PPP1R3A: variants seen among roughly 807,000 people sequenced by gnomAD.
PPP1R3A encodes RG1.
Under a neutral mutation model 41.7 loss-of-function variants are expected in PPP1R3A, and 29 were observed. The ratio of observed to expected loss-of-function variants is 0.70; its 90% CI spans 0.52 to 0.95. The LOEUF (loss-of-function observed/expected upper bound fraction) is 0.95, where lower values mean the gene tolerates loss of function less well. PPP1R3A is among the 40% of genes least tolerant of loss of function. The pLI is 0.00. For missense variants in PPP1R3A, 1,352 were observed against 1,292.4 expected (o/e 1.05, Z -0.71); for synonymous variants, 485 against 453.4 (o/e 1.07, Z -0.89).
chr7:113,879,608 G>A lies in PPP1R3A; in HGVS notation c.1484C>T (p.Ala495Val), dbSNP rs1796646697. ...TTCTTCTGTTGATTCTTTGAGACAT[G>A]CCGACGTATCTGAATGGAAATCTCT... Reference protein sequence around the residue: ...LRRDFHSDTSACLKESTEEGS... With the variant: ...LRRDFHSDTSVCLKESTEEGS... The change falls in exon 4 of 4, where the codon GCA (alanine) becomes GTA (valine). Residue 495 changes from alanine (A) to valine (V), a missense_variant. By Grantham distance (64) the Ala-to-Val change is moderately conservative. Transcript: ENST00000284601. 15 of 1,613,052 alleles carry A rather than the reference G, an allele frequency of 9.3e-6. No individual in the cohort carries two copies. The highest frequency in any genetic ancestry group is 1.7e-5 in the Admixed American group (1 of 59,808).
In PPP1R3A at chr7:113,882,245, T is replaced by C. The variant is rs771166845; in HGVS notation, c.841+17A>G. 1 of 1,541,518 alleles carries C rather than the reference T, an allele frequency of 6.5e-7. No homozygotes were observed. The highest frequency in any genetic ancestry group is 9.0e-7 in the Non-Finnish European group (1 of 1,115,510). ...AAAAGAGACAAATTTGGTTTTAAAA[T>C]TAATGAAGAATATTACCTGTATTCT... On this transcript the variant is annotated intron_variant, in intron 2 of 3. Coordinates refer to ENST00000284601, the MANE Select transcript of PPP1R3A (RefSeq NM_002711.4).
intron 1 of PPP1R3A, among the ~76,000 whole-genome samples, chr7:113,904,654 C>A (rs950956581): frequency 1.3e-5 from 2 of 150,686 alleles, no homozygotes; most frequent in African/African-American, 4.9e-5. Context: ...CATAAGTGGT[C>A]AAAGAATTAC....
chr7:113,913,445 TC>T (rs1797285192), intron 1 of PPP1R3A, among the ~76,000 whole-genome samples: 1 of 152,158 alleles, frequency 6.6e-6, no homozygotes, highest in East Asian at 1.9e-4. Context: ...TCTTTCCTGT[TC>T]CTGAACGTAC....
In PPP1R3A at chr7:113,918,842, A is replaced by G; in HGVS notation, c.155T>C (p.Ile52Thr). 6.2e-7 allele frequency: 1 copy of G among 1,613,872 alleles called. No individual in the cohort carries two copies. Among genetic ancestry groups the G allele is most frequent in the Non-Finnish European group, 8.5e-7 (1 of 1,179,812 alleles). The part of the protein sequence containing the change: ...SRRGSDSSED[I>T]YLDTPSSGTR... ...ACCTGAAGATGGGGTATCCAGGTAT[A>G]TGTCTTCAGAAGAATCAGAACCTCG... is the stretch of plus-strand genomic sequence containing the variant. The change falls in exon 1 of 4, where the codon ATA becomes ACA. Residue 52 changes from isoleucine (I) to threonine (T), a missense_variant. Ile to Thr is a moderately conservative substitution (Grantham distance 89). Transcript: ENST00000284601.
chr7:113,879,883 T>C lies in PPP1R3A; in HGVS notation c.1209A>G (p.Gln403=). 1.2e-6 allele frequency: 2 copies of C among 1,613,558 alleles called. No individual in the cohort carries two copies. The highest frequency in any genetic ancestry group is 1.7e-6 in the Non-Finnish European group (2 of 1,179,694). The change falls in exon 4 of 4, where the codon CAA becomes CAG. Residue 403 remains glutamine (Q), a synonymous_variant. Transcript: ENST00000284601. ...KYSSGDDCTH[Q]PSEETTSNMG... Reference sequence around the variant, plus strand: ...TATTTGAAGTAGTTTCCTCTGAAGGTTGATGTGTACAGTCATCTCCTGAGG... The same window carrying C: ...TATTTGAAGTAGTTTCCTCTGAAGGCTGATGTGTACAGTCATCTCCTGAGG...
Position 113,879,611 on chromosome 7 carries a change from G to A in PPP1R3A, c.1481C>T (p.Ser494Leu), listed in dbSNP as rs17847377. 4.1e-4 allele frequency: 662 copies of A among 1,613,048 alleles called. 9 individuals carry two copies. In the East Asian group the frequency reaches 0.014, roughly 35 times the overall value. ...CLRRDFHSDT[S>L]ACLKESTEEG... ...TTCTGTTGATTCTTTGAGACATGCC[G>A]ACGTATCTGAATGGAAATCTCTTCG... Residue 494 changes from serine (S) to leucine (L), a missense_variant, in exon 4 of 4, where the codon TCG becomes TTG. By Grantham distance (145) the Ser-to-Leu change is moderately radical. Transcript: ENST00000284601.
chr7:113,891,801 C>A lies in PPP1R3A; in HGVS notation c.783-9481G>T, dbSNP rs188954112. Among the ~76,000 whole-genome samples, 173 of 152,032 alleles carry A rather than the reference C, an allele frequency of 1.1e-3. 4 individuals are homozygous for A. The South Asian group carries it at 0.034, about 30-fold the overall frequency. Reference sequence around the variant, plus strand: ...TGGTTTTTCCAAAGGTCCTATAATGCCATTGTGCTAAAACCCCATATGTCT... The same window carrying A: ...TGGTTTTTCCAAAGGTCCTATAATGACATTGTGCTAAAACCCCATATGTCT... On this transcript the variant is annotated intron_variant, in intron 1 of 3. Coordinates refer to ENST00000284601, the MANE Select transcript of PPP1R3A (RefSeq NM_002711.4).
At chr7:113,888,458 T>C (rs1473048856) in intron 1 of PPP1R3A, among the ~76,000 whole-genome samples, 1 of 152,160 alleles carries the variant, frequency 6.6e-6, no homozygotes, top group Non-Finnish European at 1.5e-5. Flanking sequence ...ATGCTGTACA[T>C]AGATTTTTTA....
At chr7:113,886,666 T>C (rs958078508) in intron 1 of PPP1R3A, among the ~76,000 whole-genome samples, 3 of 152,190 alleles carry the variant, frequency 2.0e-5, no homozygotes, top group African/African-American at 7.2e-5. Flanking sequence ...ATTTGAAATA[T>C]ATAAATAGTT....
At chr7:113,885,352 G>C (rs1299102785) in intron 1 of PPP1R3A, among the ~76,000 whole-genome samples, 1 of 152,060 alleles carries the variant, frequency 6.6e-6, no homozygotes, top group Non-Finnish European at 1.5e-5. Context: ...TGGCCCCCAG[G>C]CTTTCTTGTA....
chr7:113,918,385 T>G lies in PPP1R3A; in HGVS notation c.612A>C (p.Lys204Asn), dbSNP rs764007964. ...LVPPYQKDGS[K>N]VEFCIRYETS... ...TTTCATAACGTATACAAAACTCAAC[T>G]TTACTGCCATCTTTTTGATAAGGAG... Residue 204 changes from lysine to asparagine, a missense_variant, in exon 1 of 4, where the codon AAA (lysine) becomes AAC (asparagine). Lys to Asn is a moderately conservative substitution (Grantham distance 94, BLOSUM62 0). Transcript: ENST00000284601. 7.4e-6 allele frequency: 12 copies of G among 1,613,440 alleles called. No homozygotes were observed. Among genetic ancestry groups the G allele is most frequent in the Non-Finnish European group, 1.0e-5 (12 of 1,179,648 alleles).
chr7:113,879,268 G>T lies in PPP1R3A; in HGVS notation c.1824C>A (p.Ser608Arg), dbSNP rs767098711. 5.6e-6 allele frequency: 9 copies of T among 1,613,440 alleles called. No individual in the cohort carries two copies. Among genetic ancestry groups the T allele is most frequent in the Non-Finnish European group, 7.6e-6 (9 of 1,179,728 alleles). ...CTTGACCAGTTATCCCTCCTAAAGC[G>T]CTGCCTTCACTAGTCAAATGATGAT... ...PEHHHLTSEG[S>R]ALGGITGQVC... Residue 608 changes from serine to arginine, a missense_variant, in exon 4 of 4, where the codon AGC becomes AGA. Physicochemically the swap from Ser to Arg is moderately radical, Grantham distance 110 (BLOSUM62 -1). Transcript: ENST00000284601.
chr7:113,917,621 G>T (rs1797362540), intron 1 of PPP1R3A, among the ~76,000 whole-genome samples: 1 of 151,928 alleles, frequency 6.6e-6, no homozygotes, highest in South Asian at 2.1e-4. Flanking sequence ...ATGAAATTTT[G>T]TGTGTAACTC....
chr7:113,914,965 A>AT (rs1797314755), intron 1 of PPP1R3A, among the ~76,000 whole-genome samples: 1 of 152,014 alleles, frequency 6.6e-6, no homozygotes, highest in Non-Finnish European at 1.5e-5. Context: ...TATCAATGTC[A>AT]TTTTTGTCAT....
In PPP1R3A at chr7:113,896,196, T is replaced by C. The variant is rs763515497; in HGVS notation, c.783-13876A>G. On this transcript the variant is annotated intron_variant, in intron 1 of 3. Transcript: ENST00000284601. ...GGCATACCTCACAAATGTCCACATT[T>C]TGTGTTACACATTTTCTTTGTCAAC... 2.0e-5 allele frequency among the ~76,000 whole-genome samples: 3 copies of C among 152,014 alleles called. No individual in the cohort carries two copies. The South Asian group carries it at 6.2e-4, about 31-fold the overall frequency.
At chr7:113,907,018 GA>G (rs770601437) in intron 1 of PPP1R3A, among the ~76,000 whole-genome samples, 2 of 151,616 alleles carry the variant, frequency 1.3e-5, no homozygotes, top group Non-Finnish European at 3.0e-5. Context: ...AAGAGACAAG[GA>G]AAAAAATGTT....
chr7:113,885,625 A>C (rs1489922697), intron 1 of PPP1R3A, among the ~76,000 whole-genome samples: 1 of 151,902 alleles, frequency 6.6e-6, no homozygotes, highest in Non-Finnish European at 1.5e-5. Context: ...ATACAAAACT[A>C]TTAATATCAC....
At chr7:113,880,191 A>G (rs1397054388) in intron 3 of PPP1R3A, 66 bp from the exon 4 acceptor site, 2 of 1,378,372 alleles carry the variant, frequency 1.5e-6, no homozygotes, top group Admixed American at 2.0e-5. Context: ...AGTGAATTAG[A>G]TAGGTTTTAT....
Position 113,882,331 on chromosome 7 carries a change from TAAAAG to T in PPP1R3A, c.783-16_783-12del. 1 of 1,411,152 alleles carries T rather than the reference TAAAAG, an allele frequency of 7.1e-7. No homozygotes were observed. Among genetic ancestry groups the T allele is most frequent in the Non-Finnish European group, 1.0e-6 (1 of 1,001,990 alleles). 87.4% of individuals were successfully genotyped at this position (1,411,152 alleles called of 1,614,324 possible). ...GATGATTCTTCTTTACTGTTAAATTTAAAAGAAAATGTTATATGTTTTTCTGGGAC... is the reference window on the plus strand; with the variant it reads ...GATGATTCTTCTTTACTGTTAAATTTAAAATGTTATATGTTTTTCTGGGAC... On this transcript the variant is annotated splice_polypyrimidine_tract_variant and intron_variant, in intron 1 of 3. Transcript: ENST00000284601.
Sources: allele counts gnomAD v4.1 joint callset (sites outside exome capture counted in the v4.1 genomes callset), GRCh38; gene constraint gnomAD v4.1.1; transcripts MANE v1.5; gene names NCBI Gene and HGNC (gene_info 2026-07-23, HGNC 2026-07-21).